TBXAS1: variants seen among roughly 807,000 people sequenced by gnomAD.
TBXAS1 encodes thromboxane-A synthase.
In TBXAS1, 48 loss-of-function variants were observed where a neutral mutation model predicts 60.7. That is an observed-to-expected ratio of 0.79 (90% CI 0.63 to 1.01). The LOEUF (loss-of-function observed/expected upper bound fraction) is 1.01. TBXAS1 is among the 50% of genes least tolerant of loss of function. The pLI is 0.00. For synonymous variants in TBXAS1, 287 were observed against 269.7 expected, an observed-to-expected ratio of 1.06 and a Z score of -0.63; for missense variants, 685 against 686.3, an observed-to-expected ratio of 1.00 and a Z score of 0.02.
intron 9 of TBXAS1, among the ~76,000 whole-genome samples, chr7:139,982,096 C>A (rs1812018847): frequency 6.6e-6 from 1 of 152,128 alleles, no homozygotes; most frequent in African/African-American, 2.4e-5. Context: ...AGATAAAATA[C>A]AGGCTTCTGG....
chr7:139,853,283 G>A (rs937788858), intron 1 of TBXAS1, among the ~76,000 whole-genome samples: 3 of 152,062 alleles, frequency 2.0e-5, no homozygotes, highest in African/African-American at 7.2e-5. Flanking sequence ...GGGGCTTTTC[G>A]CATCCCCCGT....
chr7:139,984,945 G>GAAAAGA (rs1007692291), intron 9 of TBXAS1, among the ~76,000 whole-genome samples: 1 of 61,860 alleles, frequency 1.6e-5, no homozygotes, highest in African/African-American at 8.0e-5. Context: ...AGAAAGAAAA[G>GAAAAGA]AAAAGAAAGA....
In TBXAS1 at chr7:139,955,546, T is replaced by C. The variant is rs751367995; in HGVS notation, c.627T>C (p.Phe209=). ...VDSWQAPEDP[F]VKHCKRFFEF... ...CCTGGCAGGCCCCTGAGGATCCCTT[T>C]GTGAAACACTGCAAGCGTTTCTTCG... is the stretch of plus-strand genomic sequence containing the variant. Residue 209 remains phenylalanine, a synonymous_variant, in exon 7 of 13, where the codon TTT becomes TTC. Transcript: ENST00000448866. 4 of 1,614,128 alleles carry C rather than the reference T, an allele frequency of 2.5e-6. No individual in the cohort carries two copies. The highest frequency in any genetic ancestry group is 3.4e-6 in the Non-Finnish European group (4 of 1,180,056).
intron 4 of TBXAS1, among the ~76,000 whole-genome samples, chr7:139,816,519 A>C (rs980849010): frequency 2.6e-5 from 4 of 152,084 alleles, no homozygotes; most frequent in Non-Finnish European, 2.9e-5. Context: ...ATTTTAAAGG[A>C]TCTCCCTGGT....
At chr7:139,794,635 G>C (rs927835171) in intron 4 of TBXAS1, among the ~76,000 whole-genome samples, 9 of 150,522 alleles carry the variant, frequency 6.0e-5, no homozygotes, top group African/African-American at 2.2e-4. Context: ...TCTAGCATTA[G>C]GTATGTCTCC....
At chr7:139,962,317 A>T in intron 9 of TBXAS1, 84 bp downstream of exon 9, 1 of 1,490,028 alleles carries the variant, frequency 6.7e-7, no homozygotes, top group Admixed American at 1.8e-5. Context: ...CTTATTTTTA[A>T]TGACTTGCTA....
At chr7:139,989,574 A>G (rs1321799070) in intron 9 of TBXAS1, among the ~76,000 whole-genome samples, 2 of 152,092 alleles carry the variant, frequency 1.3e-5, no homozygotes, top group African/African-American at 2.4e-5. Flanking sequence ...CACAGGGAGG[A>G]CCCCTGTGGT....
intron 10 of TBXAS1, 98 bp from the exon 11 acceptor site, chr7:140,015,625 T>G: frequency 7.2e-7 from 1 of 1,392,682 alleles, no homozygotes; most frequent in Non-Finnish European, 1.0e-6. Context: ...TGCCTGCCCC[T>G]GATCCCCTTC....
intron 5 of TBXAS1, among the ~76,000 whole-genome samples, chr7:139,941,419 T>A (rs918073988): frequency 8.0e-6 from 1 of 124,422 alleles, no homozygotes; most frequent in African/African-American, 3.4e-5. Flanking sequence ...CATATTTGTA[T>A]TTAAATTAAA....
At chr7:140,014,908 C>CAGAAAAAAAA (rs1554509154) in intron 10 of TBXAS1, among the ~76,000 whole-genome samples, 72 of 131,304 alleles carry the variant, frequency 5.5e-4, no homozygotes, top group African/African-American at 1.9e-3. Flanking sequence ...GACCCTGTCT[C>CAGAAAAAAAA]AAAAAAAAAG....
intron 4 of TBXAS1, among the ~76,000 whole-genome samples, chr7:139,932,082 G>A (rs1353662569): frequency 2.0e-5 from 3 of 150,680 alleles, no homozygotes; most frequent in Non-Finnish European, 4.4e-5. Context: ...CAGGAGAATG[G>A]AGTGAACCCA....
chr7:139,941,427 A>G (rs927429721), intron 5 of TBXAS1, among the ~76,000 whole-genome samples: 10 of 96,938 alleles, frequency 1.0e-4, no homozygotes, highest in African/African-American at 5.2e-4. Context: ...TATTTAAATT[A>G]AAATTGTTTT....
intron 3 of TBXAS1, among the ~76,000 whole-genome samples, chr7:139,890,247 G>C (rs548977112): frequency 9.4e-6 from 1 of 106,928 alleles, no homozygotes; most frequent in African/African-American, 3.7e-5. Context: ...ACAGAGTCTC[G>C]TTTTGTCGCC....
intron 1 of TBXAS1, among the ~76,000 whole-genome samples, chr7:139,846,882 T>C (rs1569499711): frequency 1.3e-5 from 2 of 152,014 alleles, no homozygotes; most frequent in African/African-American, 4.8e-5. Flanking sequence ...TTAGAAATGA[T>C]GGGGTGGGAG....
chr7:139,994,178 A>G lies in TBXAS1; in HGVS notation c.1135-12913A>G, dbSNP rs994350525. Among the ~76,000 whole-genome samples the G allele has an allele frequency of 5.3e-5, 8 of 152,104 alleles. No homozygotes were observed. The East Asian group carries it at 9.6e-4, about 18-fold the overall frequency. On this transcript the variant is annotated intron_variant, in intron 9 of 12. Coordinates refer to ENST00000448866, the MANE Select transcript of TBXAS1 (RefSeq NM_001061.7). ...TGCCTCAGCCTCCCGCGTAGCTGGG[A>G]TTACAGGCACCTGCCACCACACTTG...
intron 8 of TBXAS1, among the ~76,000 whole-genome samples, chr7:139,958,283 TC>T (rs1810037379): frequency 6.6e-6 from 1 of 152,196 alleles, no homozygotes; most frequent in Non-Finnish European, 1.5e-5. Context: ...CCCCCTGGAC[TC>T]CTTGGCACGA....
intron 1 of TBXAS1, among the ~76,000 whole-genome samples, chr7:139,856,115 A>C (rs2116684292): frequency 6.6e-6 from 1 of 152,316 alleles, no homozygotes; most frequent in Admixed American, 6.5e-5. Context: ...AACGTCATCA[A>C]TTACTTAAGC....
chr7:139,792,803 T>C (rs1423931103), intron 4 of TBXAS1, among the ~76,000 whole-genome samples: 1 of 152,152 alleles, frequency 6.6e-6, no homozygotes, highest in Non-Finnish European at 1.5e-5. Flanking sequence ...TTCATCCCTG[T>C]CCTCCAAAAG....
Position 139,861,174 on chromosome 7 carries a change from C to CAA in TBXAS1, c.90-11045_90-11044dup, listed in dbSNP as rs11336231. ...GGGCAACAAGAGTGAAACTCTGTCT[C>CAA]AAAAAAAAAAAAAAAAATTCTTCAC... On this transcript the variant is annotated intron_variant, in intron 1 of 12. Coordinates refer to ENST00000448866, the MANE Select transcript of TBXAS1 (RefSeq NM_001061.7). Among the ~76,000 whole-genome samples the CAA allele has an allele frequency of 8.7e-3, 1,132 of 130,014 alleles. 7 individuals carry two copies. The highest frequency in any genetic ancestry group is 0.028 in the South Asian group (119 of 4,268). The allele number at this position is 130,014 out of a possible 152,430, so 85.3% of individuals were successfully genotyped here.
Sources: gnomAD v4.1 joint callset for allele counts (sites outside exome capture counted in the v4.1 genomes callset) on GRCh38, gnomAD v4.1.1 for gene constraint, MANE v1.5 for transcripts, NCBI Gene and HGNC (gene_info 2026-07-23, HGNC 2026-07-21) for gene names.